SLC4A10: variants seen among roughly 807,000 people sequenced by gnomAD.
SLC4A10 encodes solute carrier family 4 member 10, also known as sodium-driven chloride bicarbonate exchanger.
In SLC4A10, 42 loss-of-function variants were observed where a neutral mutation model predicts 137.7. That is an observed-to-expected ratio of 0.30 (90% CI 0.24 to 0.39). The LOEUF (loss-of-function observed/expected upper bound fraction) is 0.39. Ranked by LOEUF, SLC4A10 falls within the 10% of genes least tolerant of loss-of-function variation. The pLI is 1.00. For synonymous variants in SLC4A10, 474 were observed against 464.1 expected (o/e 1.02, Z -0.27); for missense variants, 925 against 1,355.0 (o/e 0.68, Z 4.98).
chr2:161,731,865 A>G (rs1387644245), intron 1 of SLC4A10, among the ~76,000 whole-genome samples: 1 of 152,206 alleles, frequency 6.6e-6, no homozygotes, highest in African/African-American at 2.4e-5. Flanking sequence ...TCAGAATTAG[A>G]CACATATCAA....
intron 2 of SLC4A10, among the ~76,000 whole-genome samples, chr2:161,781,208 A>G (rs1287490299): frequency 6.6e-6 from 1 of 152,092 alleles, no homozygotes; most frequent in Non-Finnish European, 1.5e-5. Flanking sequence ...ACATTTTTCT[A>G]ATCAACTGCT....
At position 161,900,930 on chromosome 2, in the gene SLC4A10, C is replaced by T. The variant is rs769200448; in HGVS notation, c.1361C>T (p.Ala454Val). Residue 454 changes from alanine to valine, a missense_variant, in exon 12 of 27, where the codon GCT becomes GTT. Around this residue, in one of 11 missense-constraint regions of SLC4A10, gnomAD observed 61 missense variants for 59.0 expected, o/e 1.03. Transcript: ENST00000446997. Reference protein sequence around the residue: ...VPSQEKRKIPAVPNGTAAHGE... With the variant: ...VPSQEKRKIPVVPNGTAAHGE... ...CCACAGGAGAAGAGGAAGATTCCTGCTGTACCAAATGGAACAGCAGCTCAT... is the reference window on the plus strand; with the variant it reads ...CCACAGGAGAAGAGGAAGATTCCTGTTGTACCAAATGGAACAGCAGCTCAT... The T allele has an allele frequency of 1.9e-6, 3 of 1,558,080 alleles. No homozygotes were observed. In the South Asian group the frequency reaches 3.6e-5, roughly 19 times the overall value.
At chr2:161,661,534 T>A (rs1038444927) in intron 1 of SLC4A10, among the ~76,000 whole-genome samples, 1 of 152,258 alleles carries the variant, frequency 6.6e-6, no homozygotes, top group Non-Finnish European at 1.5e-5. Context: ...GTGGAAGTCT[T>A]TCTTTTGATT....
At position 161,864,669 on chromosome 2, in the gene SLC4A10, A is replaced by G. The variant is rs1475300337; in HGVS notation, c.766+1607A>G. 3.2e-4 allele frequency among the ~76,000 whole-genome samples: 49 copies of G among 152,178 alleles called. 1 individual carries two copies. Among genetic ancestry groups the G allele is most frequent in the Admixed American group, 3.1e-3 (48 of 15,286 alleles). On this transcript the variant is annotated intron_variant, in intron 6 of 26. Transcript: ENST00000446997. ...TATGAATACTTTATGGTGAATACCA[A>G]CTTGTGTTTGTAGATTCCACTGAAC...
intron 3 of SLC4A10, among the ~76,000 whole-genome samples, chr2:161,807,339 G>A (rs112539013): frequency 6.6e-6 from 1 of 152,100 alleles, no homozygotes; most frequent in African/African-American, 2.4e-5. Flanking sequence ...GTTGTTAAAA[G>A]GTTCTGAATG....
chr2:161,660,318 C>T (rs1329684105), intron 1 of SLC4A10, among the ~76,000 whole-genome samples: 2 of 152,206 alleles, frequency 1.3e-5, no homozygotes. Context: ...TACTGATCTC[C>T]TTACTTCTTT....
At chr2:161,888,255 G>T (rs2062527722) in intron 10 of SLC4A10, among the ~76,000 whole-genome samples, 1 of 152,130 alleles carries the variant, frequency 6.6e-6, no homozygotes, top group Non-Finnish European at 1.5e-5. Context: ...CCTTTGCTTA[G>T]GATTGTCATG....
intron 1 of SLC4A10, among the ~76,000 whole-genome samples, chr2:161,707,798 AATGTAT>A (rs1325845557): frequency 2.0e-5 from 3 of 151,564 alleles, no homozygotes; most frequent in Non-Finnish European, 4.4e-5. Flanking sequence ...AAAAAGATAA[AATGTAT>A]GTTGGTATGA....
intron 11 of SLC4A10, among the ~76,000 whole-genome samples, chr2:161,898,498 C>T (rs2063748965): frequency 1.3e-5 from 2 of 152,136 alleles, no homozygotes; most frequent in Admixed American, 1.3e-4. Context: ...ATTAAACATT[C>T]TGACCTCATA....
At chr2:161,828,414 C>G (rs553511130) in intron 3 of SLC4A10, among the ~76,000 whole-genome samples, 7 of 151,546 alleles carry the variant, frequency 4.6e-5, no homozygotes, top group South Asian at 2.1e-4. Context: ...ATATTGACTG[C>G]TTCCAGTTTG....
At chr2:161,816,438 T>G (rs1330957307) in intron 3 of SLC4A10, among the ~76,000 whole-genome samples, 1 of 152,108 alleles carries the variant, frequency 6.6e-6, no homozygotes, top group Non-Finnish European at 1.5e-5. Context: ...AAGCATCAAT[T>G]TAACAAAACG....
At chr2:161,676,564 G>A (rs2040297947) in intron 1 of SLC4A10, among the ~76,000 whole-genome samples, 1 of 152,110 alleles carries the variant, frequency 6.6e-6, no homozygotes, top group African/African-American at 2.4e-5. Flanking sequence ...TAAATTAAAT[G>A]AAGTTCTTTA....
chr2:161,954,116 A>G (rs1695261086), intron 19 of SLC4A10, among the ~76,000 whole-genome samples: 1 of 152,162 alleles, frequency 6.6e-6, no homozygotes, highest in Non-Finnish European at 1.5e-5. Context: ...CACTTGAGTA[A>G]ATGAATGCAT....
chr2:161,838,598 C>A (rs2058970245), intron 3 of SLC4A10, among the ~76,000 whole-genome samples: 2 of 151,964 alleles, frequency 1.3e-5, no homozygotes, highest in Admixed American at 1.3e-4. Context: ...TGTCGTGTAT[C>A]CAGAATGTAT....
intron 1 of SLC4A10, among the ~76,000 whole-genome samples, chr2:161,649,029 T>C (rs1444050322): frequency 6.6e-6 from 1 of 152,156 alleles, no homozygotes; most frequent in Non-Finnish European, 1.5e-5. Context: ...TTTTATGCAG[T>C]TTTTGAGATT....
intron 1 of SLC4A10, among the ~76,000 whole-genome samples, chr2:161,763,970 T>G (rs2050532528): frequency 6.6e-6 from 1 of 152,164 alleles, no homozygotes; most frequent in Non-Finnish European, 1.5e-5. Context: ...AATGGCAGAT[T>G]CATCTAATCT....
chr2:161,628,375 C>T (rs1481173140), intron 1 of SLC4A10, among the ~76,000 whole-genome samples: 1 of 151,960 alleles, frequency 6.6e-6, no homozygotes, highest in Non-Finnish European at 1.5e-5. Context: ...CAGTAAAGTT[C>T]ACTTTTAAAA....
At chr2:161,980,620 G>A (rs1244797493) in intron 26 of SLC4A10, among the ~76,000 whole-genome samples, 1 of 152,148 alleles carries the variant, frequency 6.6e-6, no homozygotes. Flanking sequence ...CTGCACTCCA[G>A]CCTGGGCAAC....
intron 21 of SLC4A10, among the ~76,000 whole-genome samples, chr2:161,961,764 G>A (rs79187915): frequency 0.015 from 2,290 of 152,186 alleles, 38 homozygotes; most frequent in South Asian, 0.029. Flanking sequence ...AGAACGTCAA[G>A]TTTTGGAATT....
Sources: gnomAD v4.1 joint callset for allele counts (sites outside exome capture counted in the v4.1 genomes callset) on GRCh38, gnomAD v4.1.1 for gene constraint, gnomAD v4.1.1 regional missense constraint, MANE v1.5 for transcripts, NCBI Gene and HGNC (gene_info 2026-07-23, HGNC 2026-07-21) for gene names.